The following NIBAN1 variants were observed in gnomAD, a reference collection of about 807,000 sequenced individuals.
NIBAN1 encodes the protein niban apoptosis regulator 1.
A neutral mutation model predicts 75.1 loss-of-function variants in NIBAN1; 81 were observed. The observed-to-expected ratio is 1.08, with a 90% CI of 0.90 to 1.30. The LOEUF (loss-of-function observed/expected upper bound fraction) is 1.30, where lower values mean the gene tolerates loss of function less well. Among genes scored for constraint, NIBAN1 ranks in the 50% most tolerant of loss-of-function variants. The probability of loss-of-function intolerance (pLI) is 0.00; values close to 1 mark genes in which losing one functional copy is unlikely to be tolerated. For missense variants in NIBAN1, 1,133 were observed against 1,128.1 expected (o/e 1.00, Z -0.06); for synonymous variants, 436 against 424.8 (o/e 1.03, Z -0.32).
intron 10 of NIBAN1, among the ~76,000 whole-genome samples, chr1:184,806,895 G>A (rs1452452425): frequency 6.6e-6 from 1 of 150,740 alleles, no homozygotes; most frequent in Non-Finnish European, 1.5e-5. Context: ...CAGCCTCCAA[G>A]TAGCTGGGAC....
At chr1:184,946,068 G>A (rs1221344275) in intron 1 of NIBAN1, among the ~76,000 whole-genome samples, 1 of 151,964 alleles carries the variant, frequency 6.6e-6, no homozygotes, top group African/African-American at 2.4e-5. Flanking sequence ...CCAAAAACAG[G>A]GACAGATAGA....
At chr1:184,914,415 T>C (rs762475566) in intron 1 of NIBAN1, among the ~76,000 whole-genome samples, 17 of 152,202 alleles carry the variant, frequency 1.1e-4, no homozygotes, top group Non-Finnish European at 2.1e-4. Context: ...TGGTGTCTAC[T>C]AGAAGTGTTG....
rs1376552762 is a variant in NIBAN1 at position 184,793,843 on chromosome 1, T to A, written c.*1134A>T. ...CCAGTGCTTGGTATATAACAGAGACTCAATTAGCTTGCTGAATGACCAAAC... is the reference window on the plus strand; with the variant it reads ...CCAGTGCTTGGTATATAACAGAGACACAATTAGCTTGCTGAATGACCAAAC... On this transcript the variant is annotated 3_prime_UTR_variant, in exon 14 of 14. Transcript: ENST00000367511. 1.3e-5 allele frequency: 2 copies of A among 152,226 alleles called. No homozygotes were observed. The highest frequency in any genetic ancestry group is 2.9e-5 in the Non-Finnish European group (2 of 68,030). The allele number at this position is 152,226 out of a possible 1,614,324, so 9.4% of individuals were successfully genotyped here. A position where few individuals can be genotyped will look rare whatever the true frequency, so the allele number is the denominator to read the frequency against.
intron 2 of NIBAN1, among the ~76,000 whole-genome samples, chr1:184,894,764 C>T (rs1656756777): frequency 6.6e-6 from 1 of 152,208 alleles, no homozygotes; most frequent in Non-Finnish European, 1.5e-5. Flanking sequence ...GGTTAAAGAA[C>T]AAGCAGGTAT....
chr1:184,958,364 TCACACA>T (rs3035788), intron 1 of NIBAN1, among the ~76,000 whole-genome samples: 21,186 of 142,564 alleles, frequency 0.15, 1,694 homozygotes, highest in East Asian at 0.31. Context: ...GACAGAGGAG[TCACACA>T]CACACACACA....
chr1:184,922,490 T>C (rs925749997), intron 1 of NIBAN1, among the ~76,000 whole-genome samples: 1 of 152,240 alleles, frequency 6.6e-6, no homozygotes, highest in Non-Finnish European at 1.5e-5. Flanking sequence ...AGTGAGAACA[T>C]ACAAAGGTCT....
chr1:184,906,273 ACACACACACACACATG>A (rs1239503379), intron 1 of NIBAN1, among the ~76,000 whole-genome samples: 1 of 150,646 alleles, frequency 6.6e-6, no homozygotes, highest in Non-Finnish European at 1.5e-5. Flanking sequence ...AAATGAACAC[ACACACACACACACATG>A]CACACACACA....
At chr1:184,935,722 AAAAG>A (rs374137684) in intron 1 of NIBAN1, among the ~76,000 whole-genome samples, 8 of 152,256 alleles carry the variant, frequency 5.3e-5, no homozygotes, top group African/African-American at 1.7e-4. Context: ...GTACCTGGGA[AAAAG>A]AAAGCCTAGT....
rs143704047 is a variant in NIBAN1, at chr1:184,903,107, T to G, written c.56-3798A>C. The stretch of plus-strand genomic sequence containing the variant: ...TTCATATCCCTGTCACCAAATTTAG[T>G]ATCACATTCTCTTTCCTAAATTGTT... On this transcript the variant is annotated intron_variant, in intron 1 of 13. Transcript: ENST00000367511. Among the ~76,000 whole-genome samples the G allele has an allele frequency of 3.4e-3, 513 of 152,358 alleles. 8 individuals are homozygous for G. The East Asian group carries it at 0.038, about 11-fold the overall frequency.
At position 184,899,272 on chromosome 1, in the gene NIBAN1, G is replaced by A; in HGVS notation, c.93C>T (p.Tyr31=). Residue 31 remains tyrosine (Y), a synonymous_variant, in exon 2 of 14, where the codon TAC becomes TAT. Coordinates refer to ENST00000367511, the MANE Select transcript of NIBAN1 (RefSeq NM_052966.4). The part of the protein sequence containing the change: ...TEAAIKNFSP[Y]YSRQYSVAFC... The stretch of plus-strand genomic sequence containing the variant: ...AAGCCACAGAGTACTGACGACTGTA[G>A]TAGGGACTGAAGTTTTTGATGGCAG... 1 of 1,613,866 alleles carries A rather than the reference G, an allele frequency of 6.2e-7. No homozygotes were observed. The highest frequency in any genetic ancestry group is 8.5e-7 in the Non-Finnish European group (1 of 1,179,816).
intron 2 of NIBAN1, among the ~76,000 whole-genome samples, chr1:184,898,631 C>G (rs139707673): frequency 2.5e-4 from 38 of 152,220 alleles, no homozygotes; most frequent in African/African-American, 9.1e-4. Flanking sequence ...TAAAATAAGA[C>G]TCGCTTTATT....
intron 5 of NIBAN1, among the ~76,000 whole-genome samples, chr1:184,838,677 A>G (rs941652377): frequency 6.6e-6 from 1 of 151,966 alleles, no homozygotes; most frequent in South Asian, 2.1e-4. Context: ...AGCTGCTTTT[A>G]TTTTTTTCCA....
intron 5 of NIBAN1, among the ~76,000 whole-genome samples, chr1:184,854,500 T>C (rs1318587764): frequency 1.3e-5 from 2 of 152,230 alleles, no homozygotes; most frequent in Non-Finnish European, 2.9e-5. Context: ...TTAGTTCAAA[T>C]TCAAGACCCT....
At chr1:184,973,692 C>T (rs1658994315) in intron 1 of NIBAN1, among the ~76,000 whole-genome samples, 1 of 152,222 alleles carries the variant, frequency 6.6e-6, no homozygotes, top group African/African-American at 2.4e-5. Flanking sequence ...CTGTAACTTT[C>T]GGGCAGTTAC....
chr1:184,905,048 G>A lies in NIBAN1; in HGVS notation c.56-5739C>T, dbSNP rs143385188. On this transcript the variant is annotated intron_variant, in intron 1 of 13. Coordinates refer to ENST00000367511, the MANE Select transcript of NIBAN1 (RefSeq NM_052966.4). ...TCAGCTCTTAAACAGGAACAAAAAA[G>A]TGAAAACCAGAGTGGGAGGGGGAGT... 1.8e-3 allele frequency among the ~76,000 whole-genome samples: 278 copies of A among 152,214 alleles called. 1 individual carries two copies. The highest frequency in any genetic ancestry group is 6.5e-3 in the African/African-American group (271 of 41,542).
At chr1:184,822,621 G>A (rs992591363) in intron 8 of NIBAN1, among the ~76,000 whole-genome samples, 7 of 152,128 alleles carry the variant, frequency 4.6e-5, no homozygotes, top group Non-Finnish European at 1.0e-4. Flanking sequence ...AATTATGCAT[G>A]GACTGCCTAA....
intron 1 of NIBAN1, among the ~76,000 whole-genome samples, chr1:184,906,787 C>T (rs1222610902): frequency 6.6e-6 from 1 of 152,130 alleles, no homozygotes; most frequent in Non-Finnish European, 1.5e-5. Context: ...CAGTCTGAAA[C>T]CACAGCAAAT....
chr1:184,838,970 G>A (rs963112919), intron 5 of NIBAN1, among the ~76,000 whole-genome samples: 2 of 152,198 alleles, frequency 1.3e-5, no homozygotes, highest in African/African-American at 4.8e-5. Context: ...CTTCAGGTCA[G>A]ATGTCATCTT....
At chr1:184,885,351 T>G (rs1429330904) in intron 4 of NIBAN1, among the ~76,000 whole-genome samples, 1 of 152,142 alleles carries the variant, frequency 6.6e-6, no homozygotes, top group Non-Finnish European at 1.5e-5. Flanking sequence ...TTTTTTGTAT[T>G]ATTTGTAGAG....
Sources: allele counts gnomAD v4.1 joint callset (sites outside exome capture counted in the v4.1 genomes callset), GRCh38; gene constraint gnomAD v4.1.1; transcripts MANE v1.5; gene names NCBI Gene and HGNC (gene_info 2026-07-23, HGNC 2026-07-21).